Variants in FOXP1 observed in about 807,000 individuals in gnomAD.
The protein encoded by FOXP1 is forkhead box P1.
Under a neutral mutation model 98.2 loss-of-function variants are expected in FOXP1, and 15 were observed. That is an observed-to-expected ratio of 0.15 (90% CI 0.10 to 0.24). The LOEUF (loss-of-function observed/expected upper bound fraction) is 0.24, where lower values mean the gene tolerates loss of function less well. FOXP1 is among the 10% of genes least tolerant of loss of function. FOXP1 has a pLI of 1.00. For missense variants in FOXP1, 633 were observed against 848.5 expected (o/e 0.75, Z 3.15); for synonymous variants, 371 against 314.5 (o/e 1.18, Z -1.90).
intron 6 of FOXP1, among the ~76,000 whole-genome samples, chr3:71,119,066 A>G (rs2107801026): frequency 6.6e-6 from 1 of 152,306 alleles, no homozygotes; most frequent in Admixed American, 6.5e-5. Flanking sequence ...CAGTTCCCCA[A>G]AATAATTTTA....
At position 71,015,464 on chromosome 3, in the gene FOXP1, T is replaced by A. The variant is rs577855570; in HGVS notation, c.974+85A>T. On this transcript the variant is annotated intron_variant, in intron 12 of 20. Coordinates refer to ENST00000649528, the MANE Select transcript of FOXP1 (RefSeq NM_001349338.3). ...CAAAGGGGTGAGGTGAAACTCTCCATCAAAAAGGCATTTTATGAGCAAAGC... is the reference window on the plus strand; with the variant it reads ...CAAAGGGGTGAGGTGAAACTCTCCAACAAAAAGGCATTTTATGAGCAAAGC... The A allele has an allele frequency of 5.7e-5, 51 of 895,144 alleles. No homozygotes were observed. In the African/African-American group the frequency reaches 8.1e-4, roughly 14 times the overall value. 55.5% of individuals were successfully genotyped at this position (895,144 alleles called of 1,614,324 possible). A position where few individuals can be genotyped will look rare whatever the true frequency, so the allele number is the denominator to read the frequency against.
intron 6 of FOXP1, among the ~76,000 whole-genome samples, chr3:71,156,999 G>C (rs1268003069): frequency 6.6e-6 from 1 of 152,220 alleles, no homozygotes; most frequent in Non-Finnish European, 1.5e-5. Flanking sequence ...TCAAGGCCTA[G>C]TAAAAAGAAA....
intron 3 of FOXP1, among the ~76,000 whole-genome samples, chr3:71,490,966 C>G (rs543101495): frequency 6.6e-6 from 1 of 152,066 alleles, no homozygotes; most frequent in Non-Finnish European, 1.5e-5. Flanking sequence ...TGAAACAGAC[C>G]GAGGCTTTGT....
At chr3:71,220,700 C>T (rs962500561) in intron 5 of FOXP1, among the ~76,000 whole-genome samples, 1 of 151,672 alleles carries the variant, frequency 6.6e-6, no homozygotes. Flanking sequence ...TTGCAGTGAG[C>T]CGAGATCGCA....
chr3:71,460,089 A>G (rs910332570), intron 3 of FOXP1, among the ~76,000 whole-genome samples: 1 of 151,632 alleles, frequency 6.6e-6, no homozygotes, highest in African/African-American at 2.4e-5. Flanking sequence ...GCCCACCACC[A>G]TGCACGGCTA....
At chr3:71,074,401 A>AT (rs1327191480) in intron 7 of FOXP1, among the ~76,000 whole-genome samples, 5 of 151,934 alleles carry the variant, frequency 3.3e-5, no homozygotes, top group Non-Finnish European at 7.4e-5. Flanking sequence ...TAATTTTTGT[A>AT]TTTTTAGTAG....
chr3:71,040,553 A>C (rs1442266514), intron 11 of FOXP1: 1 of 152,322 alleles, frequency 6.6e-6, no homozygotes, highest in Non-Finnish European at 1.5e-5. Flanking sequence ...TAACAGCTTT[A>C]TTTTCTTAGA....
At chr3:71,256,232 T>C (rs1006341657) in intron 5 of FOXP1, among the ~76,000 whole-genome samples, 1 of 151,888 alleles carries the variant, frequency 6.6e-6, no homozygotes, top group Non-Finnish European at 1.5e-5. Context: ...AGAAAGGAGG[T>C]TGAAAGTCAC....
chr3:70,993,954 A>C (rs1032817013), intron 13 of FOXP1, among the ~76,000 whole-genome samples: 1 of 151,586 alleles, frequency 6.6e-6, no homozygotes, highest in Non-Finnish European at 1.5e-5. Context: ...AGATCCTGCC[A>C]CCTACACTCC....
At position 71,387,672 on chromosome 3, in the gene FOXP1, G is replaced by A. The variant is rs535981807; in HGVS notation, c.-167-28428C>T. ...CGAATGCATAACAATTCTTAAAAGCGATATATGCATGTGTGATGATTACAC... is the reference window on the plus strand; with the variant it reads ...CGAATGCATAACAATTCTTAAAAGCAATATATGCATGTGTGATGATTACAC... On this transcript the variant is annotated intron_variant, in intron 3 of 20. Coordinates refer to ENST00000649528, the MANE Select transcript of FOXP1 (RefSeq NM_001349338.3). Among the ~76,000 whole-genome samples the A allele has an allele frequency of 3.9e-5, 6 of 152,284 alleles. No homozygotes were observed. The East Asian group carries it at 1.2e-3, about 29-fold the overall frequency.
intron 2 of FOXP1, among the ~76,000 whole-genome samples, chr3:71,563,406 G>A (rs1336939835): frequency 6.6e-6 from 1 of 152,184 alleles, no homozygotes; most frequent in Non-Finnish European, 1.5e-5. Context: ...CTCAGTGCAT[G>A]CAAAGATCGG....
intron 13 of FOXP1, among the ~76,000 whole-genome samples, chr3:70,999,416 C>A (rs2107599960): frequency 6.6e-6 from 1 of 152,284 alleles, no homozygotes; most frequent in Non-Finnish European, 1.5e-5. Flanking sequence ...AGGGCTGTGT[C>A]TTAATCATAA....
intron 2 of FOXP1, among the ~76,000 whole-genome samples, chr3:71,512,485 T>C (rs937304747): frequency 2.0e-5 from 3 of 152,168 alleles, no homozygotes; most frequent in Admixed American, 1.3e-4. Context: ...AAAAGCACCA[T>C]ATGCATGTTC....
chr3:71,064,616 T>G (rs993950622), intron 7 of FOXP1, among the ~76,000 whole-genome samples: 3 of 148,082 alleles, frequency 2.0e-5, no homozygotes, highest in African/African-American at 8.0e-5. Context: ...TCCTTTTTCT[T>G]GCCCCTCCAC....
intron 5 of FOXP1, among the ~76,000 whole-genome samples, chr3:71,279,419 C>CA (rs2071275192): frequency 6.6e-6 from 1 of 152,100 alleles, no homozygotes; most frequent in African/African-American, 2.4e-5. Flanking sequence ...CCCTGTCATG[C>CA]ATGGGGCAGG....
intron 2 of FOXP1, among the ~76,000 whole-genome samples, chr3:71,535,123 C>T (rs946220252): frequency 3.3e-5 from 5 of 152,176 alleles, no homozygotes; most frequent in Non-Finnish European, 5.9e-5. Flanking sequence ...GCAAAAGGAG[C>T]TGAAAATCCT....
intron 18 of FOXP1, chr3:70,971,402 C>A: frequency 6.4e-6 from 1 of 155,844 alleles, no homozygotes; most frequent in Admixed American, 6.2e-5. Context: ...GCTGCCATCT[C>A]CATTCACGGA....
chr3:71,520,790 T>C (rs1038138522), intron 2 of FOXP1, among the ~76,000 whole-genome samples: 7 of 152,220 alleles, frequency 4.6e-5, no homozygotes, highest in South Asian at 2.1e-4. Context: ...TCGTGACATT[T>C]ATTTTTTTCT....
Position 71,052,548 on chromosome 3 carries a change from G to T in FOXP1, c.499C>A (p.Gln167Lys). ...QLLQQQHAGK[Q>K]PKEQQQVATQ... ...TGTATTGTCGGTACCTCTTTAGGCT[G>T]TTTTCCAGCATGTTGTTGTTGTAAA... Residue 167 changes from glutamine to lysine, a missense_variant, in exon 9 of 21, where the codon CAG (glutamine) becomes AAG (lysine). Gln to Lys is a moderately conservative substitution (Grantham distance 53, BLOSUM62 1). Around this residue, in one of 6 missense-constraint regions of FOXP1, gnomAD observed 210 missense variants for 270.6 expected, o/e 0.78. Transcript: ENST00000649528. 1 of 1,327,576 alleles carries T rather than the reference G, an allele frequency of 7.5e-7. No homozygotes were observed. The highest frequency in any genetic ancestry group is 1.1e-6 in the Non-Finnish European group (1 of 918,024). 82.2% of individuals were successfully genotyped at this position (1,327,576 alleles called of 1,614,324 possible).
Sources: allele counts gnomAD v4.1 joint callset (sites outside exome capture counted in the v4.1 genomes callset), GRCh38; gene constraint gnomAD v4.1.1; regional missense constraint gnomAD v4.1.1; transcripts MANE v1.5; gene names NCBI Gene and HGNC (gene_info 2026-07-23, HGNC 2026-07-21).